Variants in DENND5A observed in about 807,000 individuals in gnomAD.
DENND5A encodes DENN domain containing 5A, also known as DENN domain-containing protein 5A.
A neutral mutation model predicts 140.3 loss-of-function variants in DENND5A; 64 were observed. The observed-to-expected ratio is 0.46, with a 90% confidence interval of 0.37 to 0.56. The LOEUF is 0.56. DENND5A is among the 20% of genes least tolerant of loss of function. DENND5A has a pLI of 0.00. For synonymous variants in DENND5A, 605 were observed against 607.7 expected (o/e 1.00, Z 0.07); for missense variants, 1,292 against 1,593.8 (o/e 0.81, Z 3.22).
At chr11:9,218,424 A>T (rs911983835) in intron 1 of DENND5A, among the ~76,000 whole-genome samples, 1 of 152,188 alleles carries the variant, frequency 6.6e-6, no homozygotes, top group Non-Finnish European at 1.5e-5. Flanking sequence ...GTCTGGGTAC[A>T]GTGGCTCATG....
Position 9,178,158 on chromosome 11 carries a change from T to G in DENND5A, c.1880A>C (p.Gln627Pro). ...TGCTTCATCCACAGTGGTACACTTC[T>G]GGTACATGGATGTACGGAGAGTAGG... ...RTPTLRTSMY[Q>P]KCTTVDEAEK... The change falls in exon 8 of 23, where the codon CAG (glutamine) becomes CCG (proline). Residue 627 changes from glutamine (Q) to proline (P), a missense_variant. By Grantham distance (76) the Gln-to-Pro change is moderately conservative. Around this residue, in one of 4 missense-constraint regions of DENND5A, gnomAD observed 199 missense variants for 189.1 expected, o/e 1.05. Coordinates refer to ENST00000328194, the MANE Select transcript of DENND5A (RefSeq NM_015213.4). 2 of 1,613,774 alleles carry G rather than the reference T, an allele frequency of 1.2e-6. No homozygotes were observed. Among genetic ancestry groups the G allele is most frequent in the Non-Finnish European group, 1.7e-6 (2 of 1,179,606 alleles).
rs368575973 is a variant in DENND5A, at chr11:9,143,501, C to G, written c.3305-16G>C. On this transcript the variant is annotated splice_polypyrimidine_tract_variant and intron_variant, in intron 19 of 22. Coordinates refer to ENST00000328194, the MANE Select transcript of DENND5A (RefSeq NM_015213.4). ...GTGTTCAGCTCTAATAAAAATCAAG[C>G]AGACATCCCTAACCAATCTCTGAGG... 3.1e-6 allele frequency: 5 copies of G among 1,606,160 alleles called. No homozygotes were observed. Among genetic ancestry groups the G allele is most frequent in the African/African-American group, 1.3e-5 (1 of 74,884 alleles).
At chr11:9,171,912 CA>C (rs1848386912) in intron 8 of DENND5A, 1 of 152,042 alleles carries the variant, frequency 6.6e-6, no homozygotes, top group Non-Finnish European at 1.5e-5. Flanking sequence ...ACATGGAACT[CA>C]AACTTCTGAA....
At chr11:9,238,288 C>T (rs1350826542) in intron 1 of DENND5A, among the ~76,000 whole-genome samples, 1 of 152,076 alleles carries the variant, frequency 6.6e-6, no homozygotes, top group African/African-American at 2.4e-5. Flanking sequence ...AAAATATATA[C>T]ACATACACCT....
chr11:9,255,017 G>A (rs1262938882), intron 1 of DENND5A, among the ~76,000 whole-genome samples: 1 of 152,044 alleles, frequency 6.6e-6, no homozygotes, highest in Non-Finnish European at 1.5e-5. Flanking sequence ...GTTGCAGTGA[G>A]CCAAGATCGT....
chr11:9,204,062 T>G lies in DENND5A; in HGVS notation c.547A>C (p.Thr183Pro). 6.2e-7 allele frequency: 1 copy of G among 1,613,926 alleles called. No individual in the cohort carries two copies. The highest frequency in any genetic ancestry group is 1.1e-5 in the South Asian group (1 of 91,074). ...DQSSMEDGED[T>P]PVTKLQRFNS... The stretch of plus-strand genomic sequence containing the variant: ...AAGCGCTGCAGTTTGGTCACAGGAG[T>G]GTCTTCACCATCCTCCATGCTGCTC... Residue 183 changes from threonine (T) to proline (P), a missense_variant, in exon 4 of 23, where the codon ACT becomes CCT. This residue lies in a region of DENND5A where 566 missense variants were observed against 650.4 expected (regional missense o/e 0.87). Transcript: ENST00000328194.
chr11:9,242,014 C>CAAAAAA (rs965240891), intron 1 of DENND5A, among the ~76,000 whole-genome samples: 1 of 58,166 alleles, frequency 1.7e-5, no homozygotes, highest in African/African-American at 6.2e-5. Flanking sequence ...AACTCCGTCT[C>CAAAAAA]AAAAAAAAAA....
chr11:9,180,740 T>C (rs1848699076), intron 6 of DENND5A, 27 bp downstream of exon 6: 2 of 1,601,074 alleles, frequency 1.2e-6, no homozygotes, highest in South Asian at 2.2e-5. Flanking sequence ...AGATCACACG[T>C]GTCACAGACT....
At chr11:9,236,765 AAAGG>A (rs147201517) in intron 1 of DENND5A, among the ~76,000 whole-genome samples, 10 of 151,934 alleles carry the variant, frequency 6.6e-5, no homozygotes, top group East Asian at 3.9e-4. Context: ...GTGAGAGCAA[AAAGG>A]AAGGAAGGAA....
At chr11:9,147,202 A>G in intron 15 of DENND5A, 51 bp from the exon 16 acceptor site, 9 of 1,598,264 alleles carry the variant, frequency 5.6e-6, no homozygotes, top group Non-Finnish European at 6.8e-6. Context: ...GAAGGGAAAG[A>G]AACTAGAATT....
chr11:9,144,390 C>T, intron 18 of DENND5A, 112 bp from the exon 19 acceptor site: 1 of 1,007,212 alleles, frequency 9.9e-7, no homozygotes, highest in Non-Finnish European at 1.5e-6. Context: ...AGGATAGAGA[C>T]TCCTTCAATG....
chr11:9,139,897 G>A (rs765298851), intron 22 of DENND5A, 43 bp from the exon 23 acceptor site: 2 of 1,588,212 alleles, frequency 1.3e-6, no homozygotes, highest in Admixed American at 3.4e-5. Flanking sequence ...AGGGGCAAAG[G>A]AAAAGGAAGA....
chr11:9,255,238 A>G (rs1272169803), intron 1 of DENND5A, among the ~76,000 whole-genome samples: 1 of 152,184 alleles, frequency 6.6e-6, no homozygotes, highest in Non-Finnish European at 1.5e-5. Context: ...ATACACTGCT[A>G]TTGGAAATGT....
Position 9,206,734 on chromosome 11 carries a change from A to G in DENND5A, c.230T>C (p.Val77Ala). 1 of 1,613,942 alleles carries G rather than the reference A, an allele frequency of 6.2e-7. No homozygotes were observed. Among genetic ancestry groups the G allele is most frequent in the Non-Finnish European group, 8.5e-7 (1 of 1,179,928 alleles). Residue 77 changes from valine to alanine, a missense_variant, in exon 3 of 23, where the codon GTC becomes GCC. Transcript: ENST00000328194. ...TACGTTCTCAGGATATCGTGCAAGG[A>G]CCTTAGATTTGAATGTTCTTCTCAA... ...TPLRRTFKSKVLARYPENVEW... is the reference protein window; with the variant it reads ...TPLRRTFKSKALARYPENVEW...
At chr11:9,248,181 C>T (rs556995605) in intron 1 of DENND5A, among the ~76,000 whole-genome samples, 29 of 152,168 alleles carry the variant, frequency 1.9e-4, no homozygotes, top group Non-Finnish European at 3.4e-4. Context: ...CGGGGTTTCA[C>T]CATGTTGCCT....
chr11:9,219,265 T>G (rs1388203998), intron 1 of DENND5A, among the ~76,000 whole-genome samples: 2 of 152,046 alleles, frequency 1.3e-5, no homozygotes, highest in African/African-American at 4.8e-5. Flanking sequence ...CACGTCATGA[T>G]GTAATTTCAG....
rs1002014091 is a variant in DENND5A at position 9,148,576 on chromosome 11, C to A, written c.2736-1425G>T. ...AGACAGGTGGGACAGAGGTGAAGAACCTGAAACCTGTATGTGGGAGATAAA... is the reference window on the plus strand; with the variant it reads ...AGACAGGTGGGACAGAGGTGAAGAAACTGAAACCTGTATGTGGGAGATAAA... On this transcript the variant is annotated intron_variant, in intron 15 of 22. Coordinates refer to ENST00000328194, the MANE Select transcript of DENND5A (RefSeq NM_015213.4). Among the ~76,000 whole-genome samples, 7 of 152,190 alleles carry A rather than the reference C, an allele frequency of 4.6e-5. No individual in the cohort carries two copies. In the South Asian group the frequency reaches 8.3e-4, roughly 18 times the overall value.
intron 19 of DENND5A, among the ~76,000 whole-genome samples, chr11:9,143,880 T>A (rs1468371876): frequency 6.6e-6 from 1 of 152,084 alleles, no homozygotes; most frequent in African/African-American, 2.4e-5. Flanking sequence ...GCAGCATGAG[T>A]TCTCTCCTCT....
chr11:9,232,684 T>C (rs1333824038), intron 1 of DENND5A, among the ~76,000 whole-genome samples: 3 of 152,126 alleles, frequency 2.0e-5, no homozygotes, highest in Non-Finnish European at 4.4e-5. Context: ...AAGCTGAACA[T>C]GCGTATACCT....
Sources: gnomAD v4.1 joint callset for allele counts (sites outside exome capture counted in the v4.1 genomes callset) on GRCh38, gnomAD v4.1.1 for gene constraint, gnomAD v4.1.1 regional missense constraint, MANE v1.5 for transcripts, NCBI Gene and HGNC (gene_info 2026-07-23, HGNC 2026-07-21) for gene names.